The following RABGEF1 variants were observed in gnomAD, a reference collection of about 807,000 sequenced individuals.
RABGEF1 encodes RAB guanine nucleotide exchange factor 1, also known as rab5 GDP/GTP exchange factor.
Under a neutral mutation model 57.3 loss-of-function variants are expected in RABGEF1, and 26 were observed. The ratio of observed to expected loss-of-function variants is 0.45; its 90% CI spans 0.33 to 0.63. RABGEF1 has a LOEUF of 0.63. RABGEF1 is among the 20% of genes least tolerant of loss of function. The pLI is 0.02. For missense variants in RABGEF1, 464 were observed against 607.6 expected (o/e 0.76, Z 2.48); for synonymous variants, 185 against 210.7 (o/e 0.88, Z 1.06).
chr7:66,726,564 A>G (rs919351304), intron 2 of RABGEF1, among the ~76,000 whole-genome samples: 14 of 152,130 alleles, frequency 9.2e-5, no homozygotes, highest in African/African-American at 2.4e-4. Context: ...GGGTCTTGCT[A>G]TGTTGCCCAG....
intron 2 of RABGEF1, among the ~76,000 whole-genome samples, chr7:66,724,440 C>G (rs1250145473): frequency 6.6e-6 from 1 of 151,816 alleles, no homozygotes; most frequent in Non-Finnish European, 1.5e-5. Flanking sequence ...GCTCACTGCA[C>G]CCACCGCTTC....
At chr7:66,689,625 A>T (rs556602448) in intron 1 of RABGEF1, among the ~76,000 whole-genome samples, 1 of 152,302 alleles carries the variant, frequency 6.6e-6, no homozygotes, top group South Asian at 2.1e-4. Flanking sequence ...CAACATGGTG[A>T]AATCCTGTCT....
intron 1 of RABGEF1, among the ~76,000 whole-genome samples, chr7:66,702,865 T>C (rs1348824976): frequency 6.6e-6 from 1 of 152,220 alleles, no homozygotes; most frequent in Non-Finnish European, 1.5e-5. Context: ...TTTTATATAT[T>C]CTGGAAACTA....
At chr7:66,685,881 A>G (rs552035780) in intron 1 of RABGEF1, among the ~76,000 whole-genome samples, 1 of 152,348 alleles carries the variant, frequency 6.6e-6, no homozygotes, top group East Asian at 1.9e-4. Context: ...CATCTCTAGC[A>G]GAGATGACCT....
At chr7:66,744,196 A>C (rs1372225973) in intron 1 of RABGEF1, among the ~76,000 whole-genome samples, 1 of 151,390 alleles carries the variant, frequency 6.6e-6, no homozygotes, top group Admixed American at 6.6e-5. Flanking sequence ...GGCGCGCGCC[A>C]CCACGCCCAG....
At chr7:66,806,562 C>A (rs1235066663) in intron 8 of RABGEF1, among the ~76,000 whole-genome samples, 3 of 151,708 alleles carry the variant, frequency 2.0e-5, no homozygotes, top group Non-Finnish European at 2.9e-5. Flanking sequence ...TCCTCCCAGG[C>A]ACATGGTGGT....
chr7:66,787,277 G>C (rs1399380874), intron 4 of RABGEF1, among the ~76,000 whole-genome samples: 2 of 146,488 alleles, frequency 1.4e-5, no homozygotes, highest in East Asian at 4.0e-4. Context: ...CAAGTGGTCT[G>C]CCCGCCTTGG....
chr7:66,777,759 C>T (rs1048856828), intron 3 of RABGEF1, among the ~76,000 whole-genome samples: 2 of 152,080 alleles, frequency 1.3e-5, no homozygotes, highest in African/African-American at 2.4e-5. Flanking sequence ...TGCCACTGCA[C>T]TCCAGCCTAG....
rs1039027715 is a variant in RABGEF1 at position 66,811,056 on chromosome 7, CCTT to C, written c.*1776_*1778del. ...CAAGTGATTTTAGTACAAAACTTGC[CCTT>C]CTTTGGTTTAATTTTCTATGTGCTT... is the stretch of plus-strand genomic sequence containing the variant. On this transcript the variant is annotated 3_prime_UTR_variant, in exon 9 of 9. Coordinates refer to ENST00000284957, the MANE Select transcript of RABGEF1 (RefSeq NM_014504.3). 5.3e-5 allele frequency: 8 copies of C among 152,054 alleles called. No homozygotes were observed. The highest frequency in any genetic ancestry group is 5.2e-4 in the Admixed American group (8 of 15,248). 9.4% of individuals were successfully genotyped at this position (152,054 alleles called of 1,614,324 possible).
At chr7:66,755,499 C>G (rs902263578) in intron 1 of RABGEF1, among the ~76,000 whole-genome samples, 28 of 151,794 alleles carry the variant, frequency 1.8e-4, no homozygotes, top group Admixed American at 7.2e-4. Context: ...AAAAAAAAAG[C>G]GTAAAGAAAA....
Position 66,697,547 on chromosome 7 carries a change from A to G in RABGEF1, c.-872-14620A>G, listed in dbSNP as rs528831542. On this transcript the variant is annotated intron_variant and NMD_transcript_variant, in intron 1 of 9. Coordinates refer to the RABGEF1 transcript ENST00000607882. ...CACGGCCAGCCTCGAACACATCCCAAGTGAGCACTTGGCAGGCGGGGACCA... is the reference window on the plus strand; with the variant it reads ...CACGGCCAGCCTCGAACACATCCCAGGTGAGCACTTGGCAGGCGGGGACCA... Among the ~76,000 whole-genome samples, 317 of 152,142 alleles carry G rather than the reference A, an allele frequency of 2.1e-3. 4 individuals are homozygous for G. In the Middle Eastern group the frequency reaches 0.051, roughly 24 times the overall value.
At chr7:66,704,582 G>A (rs1237467346) in intron 1 of RABGEF1, among the ~76,000 whole-genome samples, 2 of 151,584 alleles carry the variant, frequency 1.3e-5, no homozygotes, top group East Asian at 1.9e-4. Context: ...AGGCCGAGGC[G>A]GGTGGATCAC....
chr7:66,658,289 T>C, the RABGEF1 span, among the ~76,000 whole-genome samples: 1 of 152,092 alleles, frequency 6.6e-6, no homozygotes, highest in African/African-American at 2.4e-5. Flanking sequence ...TCCCAGCACT[T>C]TGGGAGGCCA....
At chr7:66,655,473 T>A in the RABGEF1 span, among the ~76,000 whole-genome samples, 1 of 152,178 alleles carries the variant, frequency 6.6e-6, no homozygotes, top group African/African-American at 2.4e-5. Flanking sequence ...CCGGAGCACC[T>A]TGGGAGTTGG....
intron 1 of RABGEF1, among the ~76,000 whole-genome samples, chr7:66,761,167 G>C (rs1562803464): frequency 1.3e-5 from 2 of 152,062 alleles, no homozygotes; most frequent in Non-Finnish European, 2.9e-5. Context: ...TATGTGTTGG[G>C]TTTCTTCCCC....
the RABGEF1 span, among the ~76,000 whole-genome samples, chr7:66,661,048 G>T: frequency 6.6e-6 from 1 of 152,024 alleles, no homozygotes; most frequent in African/African-American, 2.4e-5. Context: ...GGTGGCCCAT[G>T]CCTGTAACCC....
Position 66,783,855 on chromosome 7 carries a change from A to T in RABGEF1, c.513+14A>T. The T allele has an allele frequency of 6.2e-7, 1 of 1,607,022 alleles. No individual in the cohort carries two copies. Among genetic ancestry groups the T allele is most frequent in the East Asian group, 2.2e-5 (1 of 44,566 alleles). Reference sequence around the variant, plus strand: ...CATTACAAAAGGGTAGGTTGAGAATAACCACGTAGAAACATAGAGTTTTGG... The same window carrying T: ...CATTACAAAAGGGTAGGTTGAGAATTACCACGTAGAAACATAGAGTTTTGG... On this transcript the variant is annotated intron_variant, in intron 4 of 8. Coordinates refer to ENST00000284957, the MANE Select transcript of RABGEF1 (RefSeq NM_014504.3).
At chr7:66,666,822 G>A in the RABGEF1 span, among the ~76,000 whole-genome samples, 1 of 152,230 alleles carries the variant, frequency 6.6e-6, no homozygotes, top group Non-Finnish European at 1.5e-5. Context: ...TGAGTTCCAG[G>A]GCTCCTTGGA....
At chr7:66,658,758 C>CA in the RABGEF1 span, among the ~76,000 whole-genome samples, 2 of 152,020 alleles carry the variant, frequency 1.3e-5, no homozygotes, top group African/African-American at 4.8e-5. Flanking sequence ...TGTTTTGAGA[C>CA]AGAGTCTCGC....
Sources: gnomAD v4.1 joint callset for allele counts (sites outside exome capture counted in the v4.1 genomes callset) on GRCh38, gnomAD v4.1.1 for gene constraint, MANE v1.5 for transcripts, NCBI Gene and HGNC (gene_info 2026-07-23, HGNC 2026-07-21) for gene names.